ANO3: variants seen among roughly 807,000 people sequenced by gnomAD.
ANO3 encodes anoctamin-3.
In ANO3, 99 loss-of-function variants were observed where a neutral mutation model predicts 144.8. That is an observed-to-expected ratio of 0.68 (90% confidence interval 0.58 to 0.81). The LOEUF is 0.81. Ranked by LOEUF, ANO3 falls within the 30% of genes least tolerant of loss-of-function variation. The pLI is 0.00. For synonymous variants in ANO3, 414 were observed against 392.6 expected, an observed-to-expected ratio of 1.05 and a Z score of -0.64; for missense variants, 905 against 1,202.2, an observed-to-expected ratio of 0.75 and a Z score of 3.66.
At chr11:26,437,554 A>T (rs1357706851) in intron 1 of ANO3, among the ~76,000 whole-genome samples, 2 of 151,948 alleles carry the variant, frequency 1.3e-5, no homozygotes, top group African/African-American at 4.8e-5. Context: ...GATGAATCTC[A>T]ATGCACGTAC....
At chr11:26,204,076 T>G (rs993651350) in intron 1 of ANO3, among the ~76,000 whole-genome samples, 3 of 152,140 alleles carry the variant, frequency 2.0e-5, no homozygotes, top group Non-Finnish European at 4.4e-5. Context: ...ATGCCATCTT[T>G]TTCTTATGGA....
intron 9 of ANO3, among the ~76,000 whole-genome samples, chr11:26,536,212 G>A (rs146693446): frequency 0.023 from 3,528 of 151,428 alleles, 81 homozygotes; most frequent in Admixed American, 0.076. Context: ...CCAGCTACTA[G>A]AGAGGCTGAG....
intron 1 of ANO3, among the ~76,000 whole-genome samples, chr11:26,293,630 C>T (rs149564667): frequency 8.4e-5 from 12 of 143,156 alleles, no homozygotes; most frequent in East Asian, 4.1e-4. Flanking sequence ...TCCATTAAAA[C>T]GCAAAGATCA....
intron 18 of ANO3, among the ~76,000 whole-genome samples, chr11:26,632,646 A>T (rs1034488859): frequency 6.6e-6 from 1 of 150,956 alleles, no homozygotes; most frequent in Non-Finnish European, 1.5e-5. Flanking sequence ...CACACAAACC[A>T]TATGCCCAAC....
intron 14 of ANO3, among the ~76,000 whole-genome samples, chr11:26,564,750 T>C (rs1379621532): frequency 9.2e-5 from 6 of 65,312 alleles, no homozygotes; most frequent in East Asian, 4.9e-4. Context: ...TATATATATA[T>C]ATATATATAT....
intron 7 of ANO3, among the ~76,000 whole-genome samples, chr11:26,529,597 T>G (rs1194934815): frequency 6.8e-6 from 1 of 147,706 alleles, no homozygotes; most frequent in African/African-American, 2.5e-5. Flanking sequence ...TATTGAGGTG[T>G]GTTATATTTA....
intron 17 of ANO3, among the ~76,000 whole-genome samples, chr11:26,616,379 A>G (rs1852261464): frequency 2.0e-5 from 3 of 151,150 alleles, no homozygotes; most frequent in Non-Finnish European, 4.4e-5. Flanking sequence ...ATGTCCCTTA[A>G]TTATCTTCTC....
At chr11:26,233,892 C>T (rs1322905763) in intron 1 of ANO3, among the ~76,000 whole-genome samples, 5 of 152,030 alleles carry the variant, frequency 3.3e-5, no homozygotes, top group East Asian at 1.9e-4. Context: ...AGTCAAACAA[C>T]GAGAACACAT....
At chr11:26,624,408 A>G (rs1852515481) in intron 17 of ANO3, 54 bp from the exon 18 acceptor site, 5 of 1,295,410 alleles carry the variant, frequency 3.9e-6, no homozygotes, top group Non-Finnish European at 5.5e-6. Context: ...TGTAAATACC[A>G]GCCTTTTCCA....
At chr11:26,486,513 T>C (rs1188348076) in intron 4 of ANO3, among the ~76,000 whole-genome samples, 1 of 152,240 alleles carries the variant, frequency 6.6e-6, no homozygotes, top group African/African-American at 2.4e-5. Context: ...AAACTGTAAG[T>C]GCTCTTTGGC....
chr11:26,656,503 A>G, intron 26 of ANO3, 22 bp downstream of exon 26: 1 of 1,380,710 alleles, frequency 7.2e-7, no homozygotes, highest in East Asian at 2.3e-5. Flanking sequence ...GCTGAGATGA[A>G]AATTACTATA....
At chr11:26,537,274 T>C in intron 9 of ANO3, 132 bp from the exon 10 acceptor site, 1 of 700,530 alleles carries the variant, frequency 1.4e-6, no homozygotes, top group Non-Finnish European at 2.6e-6. Flanking sequence ...TCATAGGTGA[T>C]GTGGCTATGG....
At chr11:26,258,427 T>C (rs1215659341) in intron 1 of ANO3, among the ~76,000 whole-genome samples, 1 of 152,164 alleles carries the variant, frequency 6.6e-6, no homozygotes, top group Admixed American at 6.6e-5. Flanking sequence ...TGTGAAGCTA[T>C]GAGCGAGAAT....
intron 14 of ANO3, chr11:26,560,498 G>C (rs76731486): frequency 6.6e-6 from 1 of 152,330 alleles, no homozygotes; most frequent in African/African-American, 2.4e-5. Flanking sequence ...CTGATCATGT[G>C]TGTGCTGATC....
At chr11:26,193,262 C>A (rs550572578) in intron 1 of ANO3, among the ~76,000 whole-genome samples, 11 of 151,748 alleles carry the variant, frequency 7.2e-5, no homozygotes, top group African/African-American at 2.7e-4. Flanking sequence ...CTGCCTCAGC[C>A]TCCAGAGTAG....
intron 1 of ANO3, among the ~76,000 whole-genome samples, chr11:26,403,514 A>AT (rs1392905045): frequency 2.0e-5 from 3 of 151,886 alleles, no homozygotes. Flanking sequence ...TCACTACCAT[A>AT]TTAGTTCACC....
intron 1 of ANO3, among the ~76,000 whole-genome samples, chr11:26,300,253 C>T (rs970631664): frequency 1.3e-5 from 2 of 151,852 alleles, no homozygotes; most frequent in African/African-American, 2.4e-5. Flanking sequence ...CACAGAGACA[C>T]CAAACAGACA....
chr11:26,627,366 G>A (rs1852620893), intron 18 of ANO3, among the ~76,000 whole-genome samples: 1 of 150,028 alleles, frequency 6.7e-6, no homozygotes, highest in South Asian at 2.1e-4. Flanking sequence ...TTTACTTTTG[G>A]GTCTTCATTT....
intron 1 of ANO3, among the ~76,000 whole-genome samples, chr11:26,303,585 C>CT (rs1854287075): frequency 6.6e-6 from 1 of 152,148 alleles, no homozygotes; most frequent in Non-Finnish European, 1.5e-5. Flanking sequence ...GAAAAACTGC[C>CT]TATTGAGTAC....
Sources: allele counts gnomAD v4.1 joint callset (sites outside exome capture counted in the v4.1 genomes callset), GRCh38; gene constraint gnomAD v4.1.1; transcripts MANE v1.5; gene names NCBI Gene and HGNC (gene_info 2026-07-23, HGNC 2026-07-21).